PPP1R3C: variants seen among roughly 807,000 people sequenced by gnomAD.
The protein encoded by PPP1R3C is PP1 subunit R5.
PPP1R3C carries 20 observed loss-of-function variants against 29.3 expected under a neutral mutation model. The ratio of observed to expected loss-of-function variants is 0.68; its 90% CI spans 0.48 to 0.99. PPP1R3C has a LOEUF of 0.99. Ranked by LOEUF, PPP1R3C falls within the 50% of genes least tolerant of loss-of-function variation. PPP1R3C has a pLI of 0.00. For synonymous variants in PPP1R3C, 123 were observed against 143.1 expected, an observed-to-expected ratio of 0.86 and a Z score of 1.00; for missense variants, 321 against 386.0, an observed-to-expected ratio of 0.83 and a Z score of 1.41.
chr10:91,631,965 C>T (rs1470459525), intron 1 of PPP1R3C, among the ~76,000 whole-genome samples: 1 of 152,114 alleles, frequency 6.6e-6, no homozygotes, highest in Non-Finnish European at 1.5e-5. Flanking sequence ...TTAAACATGA[C>T]TATGCTCAGC....
chr10:91,630,132 T>A lies in PPP1R3C; in HGVS notation c.749A>T (p.Asp250Val). The A allele has an allele frequency of 6.2e-7, 1 of 1,614,208 alleles. No individual in the cohort carries two copies. Among genetic ancestry groups the A allele is most frequent in the South Asian group, 1.1e-5 (1 of 91,084 alleles). ...ANGQVFWDNN[D>V]GQNYRIVHVQ... ...ATGAACAATTCTATAATTCTGACCA[T>A]CATTGTTGTCCCAAAAGACTTGCCC... Residue 250 changes from aspartate to valine, a missense_variant, in exon 2 of 2, where the codon GAT (aspartate) becomes GTT (valine). Physicochemically the swap from Asp to Val is radical, Grantham distance 152. Coordinates refer to ENST00000238994, the MANE Select transcript of PPP1R3C (RefSeq NM_005398.7). The surrounding 1 kb of genome is among the most constrained non-coding windows in gnomAD (Gnocchi z 4.4).
rs747738928 is a variant in PPP1R3C at position 91,630,321 on chromosome 10, C to T, written c.560G>A (p.Arg187His). The change falls in exon 2 of 2, where the codon CGT becomes CAT. Residue 187 changes from arginine to histidine, a missense_variant. By Grantham distance (29) the Arg-to-His change is conservative. Coordinates refer to ENST00000238994, the MANE Select transcript of PPP1R3C (RefSeq NM_005398.7). The surrounding 1 kb of genome is among the most constrained non-coding windows in gnomAD (Gnocchi z 4.4). ...GTTTTTCCAAGAATCGAAAGTGATA[C>T]GGATCTGAACTTTCTTCTCAAAACT... ...NVSFEKKVQI[R>H]ITFDSWKNYT... 3.1e-6 allele frequency: 5 copies of T among 1,614,168 alleles called. No homozygotes were observed. In the Admixed American group the frequency reaches 5.0e-5, roughly 16 times the overall value.
chr10:91,631,525 T>C (rs1238129795), intron 1 of PPP1R3C, among the ~76,000 whole-genome samples: 1 of 121,960 alleles, frequency 8.2e-6, no homozygotes, highest in Non-Finnish European at 1.6e-5. Flanking sequence ...GGTAATTCAC[T>C]TGAAAAAAAA....
At position 91,630,090 on chromosome 10, in the gene PPP1R3C, T is replaced by C. The variant is rs191407104; in HGVS notation, c.791A>G (p.Asp264Gly). 16 of 1,614,240 alleles carry C rather than the reference T, an allele frequency of 9.9e-6. No individual in the cohort carries two copies. In the Admixed American group the frequency reaches 2.7e-4, roughly 27 times the overall value. The change falls in exon 2 of 2, where the codon GAT (aspartate) becomes GGT (glycine). Residue 264 changes from aspartate to glycine, a missense_variant. Coordinates refer to ENST00000238994, the MANE Select transcript of PPP1R3C (RefSeq NM_005398.7). This position sits in a 1 kb window ranked among gnomAD's most constrained non-coding sequence, Gnocchi z 4.4. ...GGGTGCCATCTGTGTCTGCACCCCATCAGGCTTCCATTGAACATGAACAAT... is the reference window on the plus strand; with the variant it reads ...GGGTGCCATCTGTGTCTGCACCCCACCAGGCTTCCATTGAACATGAACAAT... ...YRIVHVQWKPDGVQTQMAPQD... is the reference protein window; with the variant it reads ...YRIVHVQWKPGGVQTQMAPQD...
At chr10:91,631,302 CTCTT>C (rs1177694982) in intron 1 of PPP1R3C, among the ~76,000 whole-genome samples, 1 of 152,038 alleles carries the variant, frequency 6.6e-6, no homozygotes, top group Non-Finnish European at 1.5e-5. Flanking sequence ...CTCTCTCTCT[CTCTT>C]TCTCTTTCTT....
rs556340125 is a variant in PPP1R3C at position 91,630,683 on chromosome 10, G to T, written c.198C>A (p.His66Gln). 58 of 1,613,260 alleles carry T rather than the reference G, an allele frequency of 3.6e-5. No homozygotes were observed. The highest frequency in any genetic ancestry group is 4.5e-5 in the Non-Finnish European group (53 of 1,179,376). ...TCCAGTCATTCTGTGATTTGGCTTT[G>T]TGTTTTATATTGAGACATGATTTCA... ...KPLKSCLNIK[H>Q]KAKSQNDWKC... Residue 66 changes from histidine (H) to glutamine (Q), a missense_variant, in exon 2 of 2, where the codon CAC becomes CAA. Transcript: ENST00000238994. This position sits in a 1 kb window ranked among gnomAD's most constrained non-coding sequence, Gnocchi z 4.4.
At position 91,633,052 on chromosome 10, in the gene PPP1R3C, G is replaced by A. The variant is rs1848734329; in HGVS notation, c.-83C>T. 4 of 1,556,356 alleles carry A rather than the reference G, an allele frequency of 2.6e-6. No individual in the cohort carries two copies. In the Admixed American group the frequency reaches 5.7e-5, roughly 22 times the overall value. On this transcript the variant is annotated 5_prime_UTR_variant, in exon 1 of 2. Coordinates refer to ENST00000238994, the MANE Select transcript of PPP1R3C (RefSeq NM_005398.7). ...CCACAGCTCCAGGCCTTGCCCCCGC[G>A]GCGGTCGCTGGGAGAGACTGAGGGC...
chr10:91,629,788 CT>C lies in PPP1R3C; in HGVS notation c.*138del. 1 of 931,342 alleles carries C rather than the reference CT, an allele frequency of 1.1e-6. No homozygotes were observed. Among genetic ancestry groups the C allele is most frequent in the Non-Finnish European group, 1.7e-6 (1 of 601,370 alleles). The allele number at this position is 931,342 out of a possible 1,614,324, so 57.7% of individuals were successfully genotyped here. ...CAACACTAAATTCTCAAGTGTCTTTCTTTTCCATAGCCAGGTCTCAAAAGCT... is the reference window on the plus strand; with the variant it reads ...CAACACTAAATTCTCAAGTGTCTTTCTTTCCATAGCCAGGTCTCAAAAGCT... On this transcript the variant is annotated 3_prime_UTR_variant, in exon 2 of 2. Coordinates refer to ENST00000238994, the MANE Select transcript of PPP1R3C (RefSeq NM_005398.7).
rs1848681419 is a variant in PPP1R3C at position 91,628,733 on chromosome 10, A to C, written c.*1194T>G. 1 of 152,378 alleles carries C rather than the reference A, an allele frequency of 6.6e-6. No homozygotes were observed. Among genetic ancestry groups the C allele is most frequent in the Admixed American group, 6.5e-5 (1 of 15,286 alleles). The allele number at this position is 152,378 out of a possible 1,614,324, so 9.4% of individuals were successfully genotyped here. A position where few individuals can be genotyped will look rare whatever the true frequency, so the allele number is the denominator to read the frequency against. On this transcript the variant is annotated 3_prime_UTR_variant, in exon 2 of 2. Coordinates refer to ENST00000238994, the MANE Select transcript of PPP1R3C (RefSeq NM_005398.7). ...CACACACAAAAACAAGTATAATACA[A>C]AACATTCAAAACAAGTCACATCCAT...
In PPP1R3C at chr10:91,632,952, C is replaced by G; in HGVS notation, c.14+4G>C. The G allele has an allele frequency of 6.2e-7, 1 of 1,612,556 alleles. No individual in the cohort carries two copies. Among genetic ancestry groups the G allele is most frequent in the Non-Finnish European group, 8.5e-7 (1 of 1,179,448 alleles). On this transcript the variant is annotated splice_donor_region_variant and intron_variant, in intron 1 of 1. Coordinates refer to ENST00000238994, the MANE Select transcript of PPP1R3C (RefSeq NM_005398.7). ...CCTAGCGCGCAGAGTTGCAGCGAAC[C>G]TACCTGGTGCAGCTCATTAGGCAGA...
chr10:91,630,208 CAGG>C lies in PPP1R3C; in HGVS notation c.670_672del (p.Pro224del). The C allele has an allele frequency of 1.9e-6, 3 of 1,614,204 alleles. No homozygotes were observed. In the South Asian group the frequency reaches 3.3e-5, roughly 18 times the overall value. On this transcript the variant is annotated inframe_deletion, in exon 2 of 2. Coordinates refer to ENST00000238994, the MANE Select transcript of PPP1R3C (RefSeq NM_005398.7). The surrounding 1 kb of genome is among the most constrained non-coding windows in gnomAD (Gnocchi z 4.4). Reference sequence around the variant, plus strand: ...TCAATTTTCTGCTCAGTTGGAATGACAGGGGGTAAGTCAATGGCAAATGAGAAG... The same window carrying C: ...TCAATTTTCTGCTCAGTTGGAATGACGGGTAAGTCAATGGCAAATGAGAAG...
chr10:91,630,460 G>C lies in PPP1R3C; in HGVS notation c.421C>G (p.Pro141Ala). Reference protein sequence around the residue: ...EKNLILDFPQPSTDYLSFRSH... With the variant: ...EKNLILDFPQASTDYLSFRSH... ...CGGAAACTTAAGTAATCGGTTGAAG[G>C]CTGAGGGAAATCTAAAATCAAGTTT... Residue 141 changes from proline to alanine, a missense_variant, in exon 2 of 2, where the codon CCT becomes GCT. Coordinates refer to ENST00000238994, the MANE Select transcript of PPP1R3C (RefSeq NM_005398.7). The surrounding 1 kb of genome is among the most constrained non-coding windows in gnomAD (Gnocchi z 4.4). 1.9e-6 allele frequency: 3 copies of C among 1,614,186 alleles called. No individual in the cohort carries two copies. The highest frequency in any genetic ancestry group is 2.2e-5 in the East Asian group (1 of 44,878).
rs1250891709 is a variant in PPP1R3C at position 91,630,658 on chromosome 10, TC to T, written c.222del (p.Trp74Ter). ...IKHKAKSQND[W>X]KCSHNQAKKR... The stretch of plus-strand genomic sequence containing the variant: ...TTCTTGGCTTGGTTGTGTGAGCACT[TC>T]CAGTCATTCTGTGATTTGGCTTTGT... On this transcript the variant is annotated frameshift_variant, in exon 2 of 2. Coordinates refer to ENST00000238994, the MANE Select transcript of PPP1R3C (RefSeq NM_005398.7). LOFTEE classifies it high-confidence loss of function. This position sits in a 1 kb window ranked among gnomAD's most constrained non-coding sequence, Gnocchi z 4.4. 1 of 1,612,466 alleles carries T rather than the reference TC, an allele frequency of 6.2e-7. No individual in the cohort carries two copies. The highest frequency in any genetic ancestry group is 8.5e-7 in the Non-Finnish European group (1 of 1,178,662).
At position 91,629,292 on chromosome 10, in the gene PPP1R3C, T is replaced by A. The variant is rs1848687825; in HGVS notation, c.*635A>T. ...AAATTATGATTTTTTATAGATCACA[T>A]CTGAACAGAAAGGCTTCACTTAAGA... On this transcript the variant is annotated 3_prime_UTR_variant, in exon 2 of 2. Coordinates refer to ENST00000238994, the MANE Select transcript of PPP1R3C (RefSeq NM_005398.7). 6.5e-6 allele frequency: 1 copy of A among 153,944 alleles called. No individual in the cohort carries two copies. The highest frequency in any genetic ancestry group is 2.4e-5 in the African/African-American group (1 of 41,474). 9.5% of individuals were successfully genotyped at this position (153,944 alleles called of 1,614,324 possible). A position where few individuals can be genotyped will look rare whatever the true frequency, so the allele number is the denominator to read the frequency against.
chr10:91,631,597 T>C (rs1848719027), intron 1 of PPP1R3C, among the ~76,000 whole-genome samples: 2 of 152,178 alleles, frequency 1.3e-5, no homozygotes, highest in Admixed American at 1.3e-4. Context: ...GAATCATCTT[T>C]GCACTTTGAT....
chr10:91,629,962 A>T lies in PPP1R3C; in HGVS notation c.919T>A (p.Trp307Arg), dbSNP rs1365321818. 1 of 1,614,168 alleles carries T rather than the reference A, an allele frequency of 6.2e-7. No homozygotes were observed. The highest frequency in any genetic ancestry group is 1.7e-5 in the Admixed American group (1 of 60,016). Reference protein sequence around the residue: ...ASGLFPEWQSWGRMENLASYR With the variant: ...ASGLFPEWQSRGRMENLASYR ...GAGGCCAAGTTCTCCATTCTCCCCCAGCTCTGCCACTCTGGGAAGAGCCCA... is the reference window on the plus strand; with the variant it reads ...GAGGCCAAGTTCTCCATTCTCCCCCTGCTCTGCCACTCTGGGAAGAGCCCA... Residue 307 changes from tryptophan to arginine, a missense_variant, in exon 2 of 2, where the codon TGG becomes AGG. Physicochemically the swap from Trp to Arg is moderately radical, Grantham distance 101. Coordinates refer to ENST00000238994, the MANE Select transcript of PPP1R3C (RefSeq NM_005398.7).
chr10:91,629,975 T>C lies in PPP1R3C; in HGVS notation c.906A>G (p.Pro302=), dbSNP rs765530523. Residue 302 remains proline, a synonymous_variant, in exon 2 of 2, where the codon CCA becomes CCG. Transcript: ENST00000238994. Reference sequence around the variant, plus strand: ...CCATTCTCCCCCAGCTCTGCCACTCTGGGAAGAGCCCACTAGCCAGCCTCG... The same window carrying C: ...CCATTCTCCCCCAGCTCTGCCACTCCGGGAAGAGCCCACTAGCCAGCCTCG... The part of the protein sequence containing the change: ...GSPRLASGLF[P]EWQSWGRMEN... 2.9e-5 allele frequency: 47 copies of C among 1,614,108 alleles called. No individual in the cohort carries two copies. Among genetic ancestry groups the C allele is most frequent in the Non-Finnish European group, 3.8e-5 (45 of 1,180,046 alleles).
chr10:91,630,102 T>C lies in PPP1R3C; in HGVS notation c.779A>G (p.Gln260Arg). The C allele has an allele frequency of 6.2e-7, 1 of 1,614,204 alleles. No individual in the cohort carries two copies. Among genetic ancestry groups the C allele is most frequent in the Non-Finnish European group, 8.5e-7 (1 of 1,180,050 alleles). ...TGTCTGCACCCCATCAGGCTTCCAT[T>C]GAACATGAACAATTCTATAATTCTG... The part of the protein sequence containing the change: ...DGQNYRIVHV[Q>R]WKPDGVQTQM... The change falls in exon 2 of 2, where the codon CAA becomes CGA. Residue 260 changes from glutamine (Q) to arginine (R), a missense_variant. By Grantham distance (43) the Gln-to-Arg change is conservative. Coordinates refer to ENST00000238994, the MANE Select transcript of PPP1R3C (RefSeq NM_005398.7). This position sits in a 1 kb window ranked among gnomAD's most constrained non-coding sequence, Gnocchi z 4.4.
rs1424419142 is a variant in PPP1R3C at position 91,632,948 on chromosome 10, G to A, written c.14+8C>T. On this transcript the variant is annotated splice_region_variant and intron_variant, in intron 1 of 1. Transcript: ENST00000238994. ...TGTTCCTAGCGCGCAGAGTTGCAGC[G>A]AACCTACCTGGTGCAGCTCATTAGG... is the stretch of plus-strand genomic sequence containing the variant. 3 of 1,612,320 alleles carry A rather than the reference G, an allele frequency of 1.9e-6. No individual in the cohort carries two copies. Among genetic ancestry groups the A allele is most frequent in the Non-Finnish European group, 2.5e-6 (3 of 1,179,362 alleles).
Sources: allele counts gnomAD v4.1 joint callset (sites outside exome capture counted in the v4.1 genomes callset), GRCh38; gene constraint gnomAD v4.1.1; non-coding constraint Gnocchi (gnomAD v3.1); transcripts MANE v1.5; gene names NCBI Gene and HGNC (gene_info 2026-07-23, HGNC 2026-07-21).